EXOC1L: variants seen among roughly 807,000 people sequenced by gnomAD.
EXOC1L encodes the protein exocyst complex component 1 like.
Under a neutral mutation model 4.9 loss-of-function variants are expected in EXOC1L, and 10 were observed. The observed-to-expected ratio is 2.02, with a 90% CI of 1.25 to 3.43. The LOEUF (loss-of-function observed/expected upper bound fraction) is 3.43. Among genes scored for constraint, EXOC1L ranks in the 30% most tolerant of loss-of-function variants. The pLI, the probability that EXOC1L is intolerant of heterozygous loss-of-function variation, is 0.00. For missense variants in EXOC1L, 114 were observed against 59.4 expected, an observed-to-expected ratio of 1.92 and a Z score of -3.02; for synonymous variants, 41 against 20.8, an observed-to-expected ratio of 1.97 and a Z score of -2.63.
chr4:55,835,803 G>A (rs1240390282), intron 2 of EXOC1L, among the ~76,000 whole-genome samples: 4 of 151,880 alleles, frequency 2.6e-5, no homozygotes, highest in Non-Finnish European at 5.9e-5. Context: ...CACTCTGTGG[G>A]TTGTCTGTTT....
In EXOC1L at chr4:55,832,688, T is replaced by G. The variant is rs559180639; in HGVS notation, c.252+1224T>G. Among the ~76,000 whole-genome samples the G allele has an allele frequency of 3.9e-5, 6 of 152,128 alleles. No homozygotes were observed. The South Asian group carries it at 8.3e-4, about 21-fold the overall frequency. ...AGATTCTATTATTCCATTTTACACA[T>G]GAAGAAAGTGAGACTTAAAGAGATT... On this transcript the variant is annotated intron_variant, in intron 2 of 2. Transcript: ENST00000636125.
chr4:55,834,737 G>T (rs1720117182), intron 2 of EXOC1L, among the ~76,000 whole-genome samples: 1 of 151,774 alleles, frequency 6.6e-6, no homozygotes, highest in Admixed American at 6.6e-5. Context: ...AAAAAATTGT[G>T]AATGTGACTA....
At chr4:55,829,595 C>T (rs1219007885) in intron 1 of EXOC1L, among the ~76,000 whole-genome samples, 1 of 152,150 alleles carries the variant, frequency 6.6e-6, no homozygotes, top group Non-Finnish European at 1.5e-5. Flanking sequence ...ACAGGTGTTG[C>T]TATAAGAGCT....
At chr4:55,824,941 G>A (rs958498764) in intron 1 of EXOC1L, among the ~76,000 whole-genome samples, 14 of 152,124 alleles carry the variant, frequency 9.2e-5, no homozygotes, top group African/African-American at 2.9e-4. Flanking sequence ...ATCTAAATGT[G>A]GAAATCAAGA....
At chr4:55,822,980 C>CTT (rs1553919886) in intron 1 of EXOC1L, among the ~76,000 whole-genome samples, 15 of 150,394 alleles carry the variant, frequency 1.0e-4, no homozygotes, top group Admixed American at 8.0e-4. Flanking sequence ...AAATAGTAAA[C>CTT]ATGTGTGTAT....
intron 1 of EXOC1L, among the ~76,000 whole-genome samples, chr4:55,821,183 C>T (rs555713035): frequency 6.6e-6 from 1 of 152,024 alleles, no homozygotes; most frequent in African/African-American, 2.4e-5. Context: ...AGAATTCTGT[C>T]ATTTCTAATA....
intron 1 of EXOC1L, among the ~76,000 whole-genome samples, chr4:55,827,283 T>C (rs1719909710): frequency 1.3e-5 from 2 of 152,174 alleles, no homozygotes; most frequent in Admixed American, 1.3e-4. Context: ...GTGAATGCTT[T>C]TCTAGAACTA....
At chr4:55,829,513 G>T (rs996205475) in intron 1 of EXOC1L, among the ~76,000 whole-genome samples, 5 of 152,094 alleles carry the variant, frequency 3.3e-5, no homozygotes, top group African/African-American at 1.2e-4. Context: ...CATAACTGCT[G>T]CCAGAAAAAT....
intron 1 of EXOC1L, among the ~76,000 whole-genome samples, chr4:55,822,695 C>T (rs1251821654): frequency 2.0e-5 from 3 of 152,124 alleles, no homozygotes; most frequent in African/African-American, 7.2e-5. Context: ...TGCCACCCAC[C>T]AGCTGTGAAA....
At chr4:55,836,810 T>C (rs1720176681) in intron 2 of EXOC1L, among the ~76,000 whole-genome samples, 3 of 151,988 alleles carry the variant, frequency 2.0e-5, no homozygotes, top group South Asian at 2.1e-4. Flanking sequence ...ATTCATTACA[T>C]TGAGAAGACT....
chr4:55,825,362 A>G (rs1010044988), intron 1 of EXOC1L, among the ~76,000 whole-genome samples: 1 of 152,196 alleles, frequency 6.6e-6, no homozygotes, highest in African/African-American at 2.4e-5. Context: ...GCCCGGCACT[A>G]TGGTAAGTCC....
intron 1 of EXOC1L, among the ~76,000 whole-genome samples, chr4:55,822,018 T>C (rs1425690727): frequency 1.3e-5 from 2 of 152,228 alleles, no homozygotes; most frequent in East Asian, 3.8e-4. Context: ...TCGTAATTGT[T>C]GAGATGTGAA....
chr4:55,836,801 T>A lies in EXOC1L; in HGVS notation c.253-284T>A, dbSNP rs549197970. Among the ~76,000 whole-genome samples, 3 of 152,064 alleles carry A rather than the reference T, an allele frequency of 2.0e-5. No homozygotes were observed. The South Asian group carries it at 6.2e-4, about 31-fold the overall frequency. ...TTTATTCCCTACTCATCCTCTCCAATTCATTACATTGAGAAGACTTAATAA... is the reference window on the plus strand; with the variant it reads ...TTTATTCCCTACTCATCCTCTCCAAATCATTACATTGAGAAGACTTAATAA... On this transcript the variant is annotated intron_variant, in intron 2 of 2. Coordinates refer to ENST00000636125, the MANE Select transcript of EXOC1L (RefSeq NM_001351574.3).
At chr4:55,822,156 T>C (rs762556900) in intron 1 of EXOC1L, among the ~76,000 whole-genome samples, 1 of 152,222 alleles carries the variant, frequency 6.6e-6, no homozygotes, top group African/African-American at 2.4e-5. Context: ...AATTCCATCA[T>C]GTATTTTTAA....
intron 2 of EXOC1L, among the ~76,000 whole-genome samples, chr4:55,834,795 G>T (rs756019748): frequency 3.3e-5 from 5 of 151,618 alleles, no homozygotes; most frequent in Non-Finnish European, 7.4e-5. Flanking sequence ...CATTTTTTAA[G>T]TATGATTATG....
chr4:55,819,882 A>G lies in EXOC1L; in HGVS notation c.-145A>G, dbSNP rs933826464. 3.9e-5 allele frequency: 15 copies of G among 383,088 alleles called. No individual in the cohort carries two copies. The highest frequency in any genetic ancestry group is 5.1e-5 in the Non-Finnish European group (11 of 216,860). The allele number at this position is 383,088 out of a possible 1,614,324, so 23.7% of individuals were successfully genotyped here. A position where few individuals can be genotyped will look rare whatever the true frequency, so the allele number is the denominator to read the frequency against. ...GCTCTCGGGAATCTGGGCTCTGGCT[A>G]GGAATGAGAAGTTAAGAGAGGGAGG... On this transcript the variant is annotated 5_prime_UTR_variant, in exon 1 of 3. Transcript: ENST00000636125.
chr4:55,822,518 T>C (rs534870510), intron 1 of EXOC1L, among the ~76,000 whole-genome samples: 4 of 152,246 alleles, frequency 2.6e-5, no homozygotes, highest in African/African-American at 9.6e-5. Context: ...AAGGAATAAG[T>C]CACATGTGCA....
intron 2 of EXOC1L, among the ~76,000 whole-genome samples, chr4:55,832,339 A>G (rs144566881): frequency 1.3e-5 from 2 of 152,156 alleles, no homozygotes; most frequent in Admixed American, 1.3e-4. Context: ...TTTATTCTTA[A>G]TCTTAATAAA....
intron 2 of EXOC1L, among the ~76,000 whole-genome samples, chr4:55,833,512 A>C (rs1720086301): frequency 6.6e-6 from 1 of 151,884 alleles, no homozygotes; most frequent in South Asian, 2.1e-4. Flanking sequence ...AAATTTCTAT[A>C]ATACTGCATT....
Sources: allele counts gnomAD v4.1 joint callset (sites outside exome capture counted in the v4.1 genomes callset), GRCh38; gene constraint gnomAD v4.1.1; transcripts MANE v1.5; gene names NCBI Gene and HGNC (gene_info 2026-07-23, HGNC 2026-07-21).